SYNE1: variants seen among roughly 807,000 people sequenced by gnomAD.
The protein encoded by SYNE1 is nesprin-1.
Under a neutral mutation model 1,111.0 loss-of-function variants are expected in SYNE1, and 616 were observed. The ratio of observed to expected loss-of-function variants is 0.55; its 90% CI spans 0.52 to 0.59. The LOEUF is 0.59. Ranked by LOEUF, SYNE1 falls within the 20% of genes least tolerant of loss-of-function variation. The pLI is 0.00. For synonymous variants in SYNE1, 3,855 were observed against 3,825.8 expected (o/e 1.01, Z -0.28); for missense variants, 10,006 against 10,417.0 (o/e 0.96, Z 1.72).
Position 152,463,358 on chromosome 6 carries a change from T to G in SYNE1, c.2092A>C (p.Lys698Gln), listed in dbSNP as rs1267057332. ...TATAGACTTGAAAGACATACTTGCT[T>G]GACTTCCATAAACAACTCCCTCCAC... ...GRWRELFMEVKQYAQADEMDR... is the reference protein window; with the variant it reads ...GRWRELFMEVQQYAQADEMDR... The change falls in exon 19 of 146, where the codon AAG becomes CAG. Residue 698 changes from lysine (K) to glutamine (Q), a missense_variant. This residue lies in a region of SYNE1 where 1,971 missense variants were observed against 2,084.1 expected (regional missense o/e 0.95). Transcript: ENST00000367255. The G allele has an allele frequency of 4.3e-6, 7 of 1,613,724 alleles. No homozygotes were observed. Among genetic ancestry groups the G allele is most frequent in the Non-Finnish European group, 5.9e-6 (7 of 1,179,720 alleles).
intron 127 of SYNE1, among the ~76,000 whole-genome samples, chr6:152,196,531 T>C (rs1239247849): frequency 6.6e-6 from 1 of 151,938 alleles, no homozygotes; most frequent in Non-Finnish European, 1.5e-5. Flanking sequence ...TTCCCTTCAA[T>C]GCAGCAGGTT....
At chr6:152,324,394 A>G (rs1159758372) in intron 81 of SYNE1, among the ~76,000 whole-genome samples, 2 of 150,352 alleles carry the variant, frequency 1.3e-5, no homozygotes, top group African/African-American at 2.4e-5. Context: ...GCAAGACTCC[A>G]AAAAGGAAAA....
intron 3 of SYNE1, among the ~76,000 whole-genome samples, chr6:152,578,079 T>G (rs889210115): frequency 5.3e-5 from 8 of 152,214 alleles, no homozygotes; most frequent in African/African-American, 1.9e-4. Flanking sequence ...TGGTTTTTTT[T>G]GCTACAATAG....
chr6:152,359,462 G>A lies in SYNE1; in HGVS notation c.10300-4C>T. ...TCAGCACTTCTTCATTTAATAACTA[G>A]AGAGCATTTAAGAAAAATAAAGTGG... On this transcript the variant is annotated splice_polypyrimidine_tract_variant and splice_region_variant and intron_variant, in intron 64 of 145. Coordinates refer to ENST00000367255, the MANE Select transcript of SYNE1 (RefSeq NM_182961.4). 1.2e-6 allele frequency: 2 copies of A among 1,614,104 alleles called. No individual in the cohort carries two copies. Among genetic ancestry groups the A allele is most frequent in the Non-Finnish European group, 1.7e-6 (2 of 1,180,018 alleles).
intron 145 of SYNE1, chr6:152,125,615 C>T (rs1343662985): frequency 5.3e-6 from 2 of 379,622 alleles, no homozygotes; most frequent in African/African-American, 2.0e-5. Flanking sequence ...CAACACTCAA[C>T]ACCTGTAGCT....
At chr6:152,197,287 T>TA (rs2074352626) in intron 127 of SYNE1, among the ~76,000 whole-genome samples, 1 of 152,254 alleles carries the variant, frequency 6.6e-6, no homozygotes, top group African/African-American at 2.4e-5. Context: ...AGATAGTTGT[T>TA]ACATTTGGTG....
Position 152,391,227 on chromosome 6 carries a change from A to C in SYNE1, c.8004+50T>G, listed in dbSNP as rs751733329. 3 of 1,611,302 alleles carry C rather than the reference A, an allele frequency of 1.9e-6. No individual in the cohort carries two copies. The South Asian group carries it at 3.3e-5, about 18-fold the overall frequency. ...CACAACACAAGCACTTGTGAATCTA[A>C]TCAAATTAGCATTCAGCAGTTGTCA... On this transcript the variant is annotated intron_variant, in intron 52 of 145. Transcript: ENST00000367255.
At chr6:152,457,976 A>C (rs1302788017) in intron 22 of SYNE1, among the ~76,000 whole-genome samples, 1 of 150,778 alleles carries the variant, frequency 6.6e-6, no homozygotes, top group East Asian at 1.9e-4. Flanking sequence ...TATAAGTTTT[A>C]TACATATAAA....
chr6:152,533,681 C>T (rs1224746936), intron 4 of SYNE1, among the ~76,000 whole-genome samples: 3 of 152,086 alleles, frequency 2.0e-5, no homozygotes, highest in Non-Finnish European at 2.9e-5. Context: ...CTTCAGTCTA[C>T]GTTCAGCAGA....
intron 127 of SYNE1, among the ~76,000 whole-genome samples, chr6:152,193,890 G>A (rs1221378889): frequency 6.6e-6 from 1 of 151,756 alleles, no homozygotes; most frequent in Non-Finnish European, 1.5e-5. Flanking sequence ...GTGGGTGCCT[G>A]TAGTCCCAGC....
chr6:152,148,873 G>C lies in SYNE1; in HGVS notation c.24643-495C>G, dbSNP rs1439445173. ...ACACACTGGCAAGGATCGGAAATAA[G>C]AGCAAATTACTAAGACCTTAGCTTG... On this transcript the variant is annotated intron_variant, in intron 136 of 145. Coordinates refer to ENST00000367255, the MANE Select transcript of SYNE1 (RefSeq NM_182961.4). This position sits in a 1 kb window ranked among gnomAD's most constrained non-coding sequence, Gnocchi z 4.1. Among the ~76,000 whole-genome samples the C allele has an allele frequency of 1.3e-5, 2 of 152,104 alleles. No homozygotes were observed. Among genetic ancestry groups the C allele is most frequent in the Non-Finnish European group, 2.9e-5 (2 of 68,014 alleles).
chr6:152,472,690 A>C (rs1305359255), intron 14 of SYNE1: 3 of 695,862 alleles, frequency 4.3e-6, no homozygotes, highest in African/African-American at 3.5e-5. Context: ...TTTTAAAGGC[A>C]CATGATCCAA....
At chr6:152,340,239 G>C (rs1397843663) in intron 74 of SYNE1, among the ~76,000 whole-genome samples, 1 of 152,172 alleles carries the variant, frequency 6.6e-6, no homozygotes, top group Non-Finnish European at 1.5e-5. Context: ...GGTGGGTAGA[G>C]AGACAGCAAA....
intron 3 of SYNE1, among the ~76,000 whole-genome samples, chr6:152,616,459 C>A (rs560116036): frequency 1.9e-4 from 29 of 152,158 alleles, no homozygotes; most frequent in African/African-American, 6.7e-4. Context: ...GCCTGTCATC[C>A]CAGCTACTTG....
intron 59 of SYNE1, among the ~76,000 whole-genome samples, chr6:152,372,686 T>C (rs2097209864): frequency 3.3e-5 from 5 of 152,224 alleles, no homozygotes; most frequent in Admixed American, 3.3e-4. Context: ...TTGCAGCTTA[T>C]GTAGATATTC....
chr6:152,272,486 A>C (rs2093287706), intron 98 of SYNE1, among the ~76,000 whole-genome samples: 1 of 152,214 alleles, frequency 6.6e-6, no homozygotes, highest in Admixed American at 6.5e-5. Context: ...TTTCTTTATA[A>C]AGCTTTTTAT....
intron 130 of SYNE1, among the ~76,000 whole-genome samples, chr6:152,170,463 G>A (rs1404930779): frequency 6.6e-6 from 1 of 152,126 alleles, no homozygotes; most frequent in Non-Finnish European, 1.5e-5. Flanking sequence ...GTAAGACCTG[G>A]GCCACACAGC....
At chr6:152,293,550 T>G in intron 95 of SYNE1, 38 bp downstream of exon 95, 1 of 1,612,558 alleles carries the variant, frequency 6.2e-7, no homozygotes, top group East Asian at 2.2e-5. Flanking sequence ...AGTGCCTTAT[T>G]CAATCAAGTA....
intron 51 of SYNE1, among the ~76,000 whole-genome samples, chr6:152,394,248 C>G (rs1172980070): frequency 6.6e-6 from 1 of 152,110 alleles, no homozygotes; most frequent in Non-Finnish European, 1.5e-5. Flanking sequence ...TGGGTTGGTT[C>G]CAAGTCTTTG....
Sources: gnomAD v4.1 joint callset for allele counts (sites outside exome capture counted in the v4.1 genomes callset) on GRCh38, gnomAD v4.1.1 for gene constraint, gnomAD v4.1.1 regional missense constraint, Gnocchi (gnomAD v3.1) non-coding constraint, MANE v1.5 for transcripts, NCBI Gene and HGNC (gene_info 2026-07-23, HGNC 2026-07-21) for gene names.